Variants in RPS6KA2 observed in about 807,000 individuals in gnomAD.
The protein encoded by RPS6KA2 is ribosomal protein S6 kinase A2.
Under a neutral mutation model 91.8 loss-of-function variants are expected in RPS6KA2, and 42 were observed. That is an observed-to-expected ratio of 0.46 (90% CI 0.36 to 0.59). The LOEUF is 0.59. Ranked by LOEUF, RPS6KA2 falls within the 20% of genes least tolerant of loss-of-function variation. The pLI is 0.00. For synonymous variants in RPS6KA2, 414 were observed against 393.6 expected (o/e 1.05, Z -0.61); for missense variants, 798 against 978.5 (o/e 0.82, Z 2.46).
intron 10 of RPS6KA2, among the ~76,000 whole-genome samples, chr6:166,488,206 G>T (rs1211252547): frequency 6.6e-6 from 1 of 150,716 alleles, no homozygotes; most frequent in Non-Finnish European, 1.5e-5. Flanking sequence ...GTCTAAACCG[G>T]AAACACCCTG....
intron 2 of RPS6KA2, among the ~76,000 whole-genome samples, chr6:166,828,870 A>T (rs1169456270): frequency 6.6e-6 from 1 of 151,838 alleles, no homozygotes; most frequent in African/African-American, 2.4e-5. Context: ...AAAAGACACA[A>T]TTAACAAGAT....
At chr6:166,633,227 C>T (rs1401601497) in intron 2 of RPS6KA2, among the ~76,000 whole-genome samples, 1 of 152,058 alleles carries the variant, frequency 6.6e-6, no homozygotes, top group East Asian at 1.9e-4. Context: ...CTCAAAAACA[C>T]CAAAAACCAA....
At position 166,411,924 on chromosome 6, in the gene RPS6KA2, C is replaced by T. The variant is rs1367677612; in HGVS notation, c.*838G>A. 6 of 152,310 alleles carry T rather than the reference C, an allele frequency of 3.9e-5. No homozygotes were observed. Among genetic ancestry groups the T allele is most frequent in the Admixed American group, 2.6e-4 (4 of 15,286 alleles). 9.4% of individuals were successfully genotyped at this position (152,310 alleles called of 1,614,324 possible). A position where few individuals can be genotyped will look rare whatever the true frequency, so the allele number is the denominator to read the frequency against. On this transcript the variant is annotated 3_prime_UTR_variant, in exon 21 of 21. Coordinates refer to ENST00000265678, the MANE Select transcript of RPS6KA2 (RefSeq NM_021135.6). The surrounding 1 kb of genome is among the most constrained non-coding windows in gnomAD (Gnocchi z 4.5). Reference sequence around the variant, plus strand: ...AGGGCTGAGCAGGTGCGAGAACCCACGACTCCCTGCAAAGCCTCCAGATAG... The same window carrying T: ...AGGGCTGAGCAGGTGCGAGAACCCATGACTCCCTGCAAAGCCTCCAGATAG...
At chr6:166,791,720 A>C (rs1779095308) in intron 2 of RPS6KA2, among the ~76,000 whole-genome samples, 1 of 151,680 alleles carries the variant, frequency 6.6e-6, no homozygotes, top group African/African-American at 2.4e-5. Flanking sequence ...CTCACTCAAA[A>C]CCACTCAACT....
intron 1 of RPS6KA2, among the ~76,000 whole-genome samples, chr6:166,600,916 C>T (rs1283211918): frequency 1.3e-5 from 2 of 152,202 alleles, no homozygotes; most frequent in Non-Finnish European, 2.9e-5. Context: ...ATTCATCTTG[C>T]TTTTGCCTGT....
At chr6:166,810,515 A>C (rs1562451495) in intron 2 of RPS6KA2, among the ~76,000 whole-genome samples, 1 of 152,190 alleles carries the variant, frequency 6.6e-6, no homozygotes, top group Non-Finnish European at 1.5e-5. Flanking sequence ...ACTCAATCCT[A>C]TGCACTTGAG....
At chr6:166,719,190 G>T (rs1790104699) in intron 2 of RPS6KA2, among the ~76,000 whole-genome samples, 2 of 152,168 alleles carry the variant, frequency 1.3e-5, no homozygotes, top group South Asian at 4.1e-4. Flanking sequence ...ACCATTTAGT[G>T]AGCTCCTCTT....
At chr6:166,681,438 C>CCTT (rs1788804252) in intron 2 of RPS6KA2, among the ~76,000 whole-genome samples, 1 of 152,156 alleles carries the variant, frequency 6.6e-6, no homozygotes, top group South Asian at 2.1e-4. Flanking sequence ...ACATAAGGTC[C>CCTT]AAGTTTCTTA....
rs1782000203 is a variant in RPS6KA2 at position 166,500,809 on chromosome 6, G to A, written c.604+78C>T. ...AGGGAAGGGCGGTGTAAATAAGAGGGCTTGGGCTTTGAGGTGGTCCCCAAA... is the reference window on the plus strand; with the variant it reads ...AGGGAAGGGCGGTGTAAATAAGAGGACTTGGGCTTTGAGGTGGTCCCCAAA... On this transcript the variant is annotated intron_variant, in intron 7 of 20. Coordinates refer to ENST00000265678, the MANE Select transcript of RPS6KA2 (RefSeq NM_021135.6). This position sits in a 1 kb window ranked among gnomAD's most constrained non-coding sequence, Gnocchi z 4.3. The A allele has an allele frequency of 4.5e-6, 6 of 1,337,724 alleles. No individual in the cohort carries two copies. In the Admixed American group the frequency reaches 1.0e-4, roughly 23 times the overall value. The allele number at this position is 1,337,724 out of a possible 1,614,324, so 82.9% of individuals were successfully genotyped here.
At chr6:166,811,261 G>A (rs1243669981) in intron 2 of RPS6KA2, among the ~76,000 whole-genome samples, 2 of 152,230 alleles carry the variant, frequency 1.3e-5, no homozygotes, top group East Asian at 3.8e-4. Context: ...AAGTGGGACT[G>A]GACTGACCGC....
chr6:166,479,898 C>CT (rs1192420542), intron 10 of RPS6KA2, among the ~76,000 whole-genome samples: 1 of 152,148 alleles, frequency 6.6e-6, no homozygotes, highest in Non-Finnish European at 1.5e-5. Flanking sequence ...CTTAACACTT[C>CT]TTTTTTTAAC....
Position 166,448,085 on chromosome 6 carries a change from A to G in RPS6KA2, c.1332+639T>C, listed in dbSNP as rs3752925. Among the ~76,000 whole-genome samples, 101,107 of 151,834 alleles carry G rather than the reference A, an allele frequency of 0.67. 33,928 individuals are homozygous for G. The highest frequency in any genetic ancestry group is 0.78 in the East Asian group (4,041 of 5,154). ...AAATATTTAAGCAGCAACAATTACG[A>G]AAGCTAAAGTTACTATGTAGAGATT... On this transcript the variant is annotated intron_variant, in intron 14 of 20. Transcript: ENST00000265678. The surrounding 1 kb of genome is among the most constrained non-coding windows in gnomAD (Gnocchi z 4.7).
At chr6:166,721,753 C>T (rs1056574951) in intron 2 of RPS6KA2, among the ~76,000 whole-genome samples, 3 of 152,164 alleles carry the variant, frequency 2.0e-5, no homozygotes, top group African/African-American at 7.2e-5. Context: ...TGGACTTTAA[C>T]AGAAGCTCCC....
rs953033194 is a variant in RPS6KA2, at chr6:166,748,404, C to A, written c.123+109796G>T. 5.9e-5 allele frequency among the ~76,000 whole-genome samples: 9 copies of A among 152,234 alleles called. No individual in the cohort carries two copies. The South Asian group carries it at 8.3e-4, about 14-fold the overall frequency. On this transcript the variant is annotated intron_variant, in intron 2 of 21. Coordinates refer to the RPS6KA2 transcript ENST00000503859. ...GCAGAAACTCCACCGAGTGCCTCAG[C>A]GAAATGACTCCATCTGATCCTGGCC...
chr6:166,746,456 T>C (rs1365004880), intron 2 of RPS6KA2, among the ~76,000 whole-genome samples: 1 of 152,198 alleles, frequency 6.6e-6, no homozygotes, highest in Non-Finnish European at 1.5e-5. Flanking sequence ...ACATTTCACC[T>C]GCAGTCTCCA....
chr6:166,620,438 C>A (rs542313079), intron 1 of RPS6KA2, among the ~76,000 whole-genome samples: 1 of 152,166 alleles, frequency 6.6e-6, no homozygotes, highest in Non-Finnish European at 1.5e-5. Context: ...CCAGAAACAG[C>A]GTGGAAAACA....
At chr6:166,551,443 C>G (rs1335054450) in intron 1 of RPS6KA2, among the ~76,000 whole-genome samples, 1 of 152,156 alleles carries the variant, frequency 6.6e-6, no homozygotes, top group Non-Finnish European at 1.5e-5. Context: ...GCTCTGTGTG[C>G]TATTTCCTAT....
Position 166,557,153 on chromosome 6 carries a change from C to T in RPS6KA2, c.100-18369G>A, listed in dbSNP as rs1216646000. Among the ~76,000 whole-genome samples, 1 of 152,210 alleles carries T rather than the reference C, an allele frequency of 6.6e-6. No individual in the cohort carries two copies. The highest frequency in any genetic ancestry group is 2.4e-5 in the African/African-American group (1 of 41,444). On this transcript the variant is annotated intron_variant, in intron 1 of 20. Coordinates refer to ENST00000265678, the MANE Select transcript of RPS6KA2 (RefSeq NM_021135.6). This position sits in a 1 kb window ranked among gnomAD's most constrained non-coding sequence, Gnocchi z 4.8. ...CAAGAGGGCACAAAGTAGAACATGCCCTCCCCCTCTCTGCTAAGTTCCTCC... is the reference window on the plus strand; with the variant it reads ...CAAGAGGGCACAAAGTAGAACATGCTCTCCCCCTCTCTGCTAAGTTCCTCC...
intron 5 of RPS6KA2, among the ~76,000 whole-genome samples, chr6:166,505,985 C>G (rs1307063606): frequency 6.6e-6 from 1 of 152,194 alleles, no homozygotes; most frequent in Non-Finnish European, 1.5e-5. Context: ...AGTGTAACCC[C>G]CAAGGACAAT....
Sources: allele counts gnomAD v4.1 joint callset (sites outside exome capture counted in the v4.1 genomes callset), GRCh38; gene constraint gnomAD v4.1.1; non-coding constraint Gnocchi (gnomAD v3.1); transcripts MANE v1.5; gene names NCBI Gene and HGNC (gene_info 2026-07-23, HGNC 2026-07-21).